TARBP1: variants seen among roughly 807,000 people sequenced by gnomAD.
The protein encoded by TARBP1 is tRNA guanosine 2 -O-methyltransferase TARBP1.
Under a neutral mutation model 178.6 loss-of-function variants are expected in TARBP1, and 144 were observed. The observed-to-expected ratio is 0.81, with a 90% CI of 0.70 to 0.93. The LOEUF is 0.93. Ranked by LOEUF, TARBP1 falls within the 40% of genes least tolerant of loss-of-function variation. TARBP1 has a pLI of 0.00. For missense variants in TARBP1, 2,067 were observed against 2,011.7 expected (o/e 1.03, Z -0.53); for synonymous variants, 787 against 781.0 (o/e 1.01, Z -0.13).
chr1:234,439,514 A>T (rs974850044), intron 12 of TARBP1, among the ~76,000 whole-genome samples: 3 of 152,182 alleles, frequency 2.0e-5, no homozygotes, highest in African/African-American at 7.2e-5. Context: ...AACTGCCCAA[A>T]AGAGAGTAAA....
At chr1:234,450,208 A>C (rs1259515737) in intron 10 of TARBP1, among the ~76,000 whole-genome samples, 1 of 152,130 alleles carries the variant, frequency 6.6e-6, no homozygotes, top group Non-Finnish European at 1.5e-5. Context: ...TTAAACATAA[A>C]ATAATTTAGA....
At chr1:234,464,487 T>C (rs1003605172) in intron 5 of TARBP1, among the ~76,000 whole-genome samples, 1 of 152,222 alleles carries the variant, frequency 6.6e-6, no homozygotes, top group African/African-American at 2.4e-5. Context: ...AGGCATTTCA[T>C]AATAAATGTG....
At chr1:234,433,643 G>T in intron 13 of TARBP1, 72 bp from the exon 14 acceptor site, 1 of 1,440,576 alleles carries the variant, frequency 6.9e-7, no homozygotes, top group Non-Finnish European at 9.4e-7. Flanking sequence ...AAGCCTTCAG[G>T]CAGGAGAAGT....
intron 25 of TARBP1, chr1:234,400,907 G>C (rs1034914042): frequency 8.1e-6 from 2 of 246,008 alleles, no homozygotes; most frequent in South Asian, 7.6e-5. Flanking sequence ...TTTCTGTTTA[G>C]AGTTAAATAT....
intron 17 of TARBP1, among the ~76,000 whole-genome samples, chr1:234,428,380 T>C (rs1329036966): frequency 6.6e-6 from 1 of 152,030 alleles, no homozygotes; most frequent in Non-Finnish European, 1.5e-5. Context: ...CAATGACAAA[T>C]GGCGCCTGAC....
At chr1:234,418,319 G>T in intron 21 of TARBP1, 86 bp from the exon 22 acceptor site, 1 of 1,204,708 alleles carries the variant, frequency 8.3e-7, no homozygotes, top group East Asian at 2.9e-5. Flanking sequence ...ATAGCTTAAA[G>T]TTTTTATCAT....
chr1:234,412,421 CAAAA>C (rs746099418), intron 22 of TARBP1, among the ~76,000 whole-genome samples: 2 of 92,426 alleles, frequency 2.2e-5, no homozygotes, highest in Admixed American at 1.2e-4. Flanking sequence ...GACGCCGTCT[CAAAA>C]AAAAAAAAAA....
At chr1:234,446,030 T>C (rs990952214) in intron 12 of TARBP1, among the ~76,000 whole-genome samples, 1 of 145,970 alleles carries the variant, frequency 6.9e-6, no homozygotes, top group Non-Finnish European at 1.5e-5. Flanking sequence ...TTGGTTCTGC[T>C]ACTATCATTA....
chr1:234,425,384 TTC>T (rs1439962922), intron 20 of TARBP1, among the ~76,000 whole-genome samples: 2 of 152,192 alleles, frequency 1.3e-5, no homozygotes, highest in Non-Finnish European at 2.9e-5. Context: ...AAGATTTTTT[TTC>T]TTTTTTTTCT....
At chr1:234,467,991 T>C (rs1286469346) in intron 3 of TARBP1, among the ~76,000 whole-genome samples, 1 of 152,098 alleles carries the variant, frequency 6.6e-6, no homozygotes, top group Admixed American at 6.5e-5. Context: ...GTTGCCTAGG[T>C]TGGTCTCAAA....
chr1:234,429,702 G>A, intron 15 of TARBP1, 25 bp from the exon 16 acceptor site: 1 of 1,538,246 alleles, frequency 6.5e-7, no homozygotes, highest in Non-Finnish European at 8.8e-7. Flanking sequence ...AAAGTTACTA[G>A]GCCATACTTC....
At position 234,451,743 on chromosome 1, in the gene TARBP1, C is replaced by T. The variant is rs1430546439; in HGVS notation, c.1723-1177G>A. Among the ~76,000 whole-genome samples the T allele has an allele frequency of 4.4e-3, 5 of 1,136 alleles. 1 individual carries two copies. The highest frequency in any genetic ancestry group is 4.8e-3 in the Non-Finnish European group (4 of 838). 0.7% of individuals were successfully genotyped at this position (1,136 alleles called of 152,430 possible). ...CAGCCTGGGCGACAGAGCGAGACTC[C>T]GTCTCAAAAAAAAAAAAAAAAAATG... On this transcript the variant is annotated intron_variant, in intron 9 of 29. Transcript: ENST00000040877.
rs773959949 is a variant in TARBP1, at chr1:234,478,574, TCCCCGC to T, written c.524_529del (p.Gly175_Gly176del). ...CTCGGCAGGCCCGGCCTCATCCCCG[TCCCCGC>T]CCCCGCCCAGCGCCAGGGCGACGGC... On this transcript the variant is annotated inframe_deletion, in exon 1 of 30. Coordinates refer to ENST00000040877, the MANE Select transcript of TARBP1 (RefSeq NM_005646.4). 3.2e-5 allele frequency: 41 copies of T among 1,290,890 alleles called. No individual in the cohort carries two copies. Among genetic ancestry groups the T allele is most frequent in the Middle Eastern group, 3.0e-4 (1 of 3,380 alleles). 80.0% of individuals were successfully genotyped at this position (1,290,890 alleles called of 1,614,324 possible).
chr1:234,475,792 A>G (rs1355474126), intron 1 of TARBP1, among the ~76,000 whole-genome samples: 1 of 152,254 alleles, frequency 6.6e-6, no homozygotes, highest in Admixed American at 6.5e-5. Flanking sequence ...GAAGACCTCC[A>G]TCGGTGGCAC....
Position 234,391,507 on chromosome 1 carries a change from G to A in TARBP1, c.*70C>T. 1 of 1,437,398 alleles carries A rather than the reference G, an allele frequency of 7.0e-7. No individual in the cohort carries two copies. Among genetic ancestry groups the A allele is most frequent in the South Asian group, 1.5e-5 (1 of 66,766 alleles). The allele number at this position is 1,437,398 out of a possible 1,614,324, so 89.0% of individuals were successfully genotyped here. ...ATTATCACAATAAATTTCAGAATCT[G>A]TTTCTTTAGTCCAAATAGTTTTTTT... On this transcript the variant is annotated 3_prime_UTR_variant, in exon 30 of 30. Coordinates refer to ENST00000040877, the MANE Select transcript of TARBP1 (RefSeq NM_005646.4).
Position 234,393,674 on chromosome 1 carries a change from C to CG in TARBP1, c.4406dup (p.Leu1470AlafsTer16). ...CTAAATTGGTCGGTTTGTCGATGAG[C>CG]GAGGCCACAACGATGAGTCTACTAA... is the stretch of plus-strand genomic sequence containing the variant. On this transcript the variant is annotated frameshift_variant, in exon 27 of 30. Transcript: ENST00000040877. LOFTEE classifies it high-confidence loss of function. 6.2e-7 allele frequency: 1 copy of CG among 1,613,136 alleles called. No individual in the cohort carries two copies. The highest frequency in any genetic ancestry group is 1.3e-5 in the African/African-American group (1 of 75,004).
intron 10 of TARBP1, 29 bp downstream of exon 10, chr1:234,450,399 T>G: frequency 1.3e-6 from 2 of 1,540,604 alleles, no homozygotes; most frequent in East Asian, 4.9e-5. Context: ...TTTGGTTATA[T>G]CAATCCATAA....
chr1:234,411,882 A>C (rs765916434), intron 22 of TARBP1, among the ~76,000 whole-genome samples: 2 of 152,208 alleles, frequency 1.3e-5, no homozygotes, highest in Non-Finnish European at 1.5e-5. Context: ...AAGCAGGAAG[A>C]CCAGTTTGGA....
intron 10 of TARBP1, among the ~76,000 whole-genome samples, chr1:234,448,959 G>A (rs1666460641): frequency 6.6e-6 from 1 of 152,122 alleles, no homozygotes; most frequent in Non-Finnish European, 1.5e-5. Flanking sequence ...AGGAAGACAT[G>A]CCCTCATCCA....
Sources: allele counts gnomAD v4.1 joint callset (sites outside exome capture counted in the v4.1 genomes callset), GRCh38; gene constraint gnomAD v4.1.1; transcripts MANE v1.5; gene names NCBI Gene and HGNC (gene_info 2026-07-23, HGNC 2026-07-21).